The following NPIPA1 variants were observed in gnomAD, a reference collection of about 807,000 sequenced individuals.
NPIPA1 encodes the protein nuclear pore complex-interacting protein family member A1.
For synonymous variants in NPIPA1, 7 were observed against 88.0 expected (o/e 0.08, Z 5.15); for missense variants, 22 against 232.2 (o/e 0.09, Z 5.88).
At chr16:14,945,224 TGTG>T (rs1965854061) in intron 2 of NPIPA1, among the ~76,000 whole-genome samples, 1 of 102,310 alleles carries the variant, frequency 9.8e-6, no homozygotes, top group Non-Finnish European at 2.0e-5. Context: ...GTCATTCTTG[TGTG>T]GTGTGTGTGT....
chr16:14,940,380 T>C (rs1965720525), intron 1 of NPIPA1, among the ~76,000 whole-genome samples: 1 of 152,144 alleles, frequency 6.6e-6, no homozygotes, highest in South Asian at 2.1e-4. Context: ...GCATCCAATG[T>C]TATACATCAA....
At chr16:14,947,012 A>G (rs1965905439) in intron 4 of NPIPA1, among the ~76,000 whole-genome samples, 2 of 151,930 alleles carry the variant, frequency 1.3e-5, no homozygotes, top group South Asian at 4.2e-4. Context: ...TATTTTTAGT[A>G]GAGACGGGTT....
Position 14,944,993 on chromosome 16 carries a change from C to T in NPIPA1, c.193-581C>T, listed in dbSNP as rs1965847783. On this transcript the variant is annotated intron_variant, in intron 2 of 7. Coordinates refer to ENST00000328085, the MANE Select transcript of NPIPA1 (RefSeq NM_006985.4). Reference sequence around the variant, plus strand: ...ATGGCACAATCTCAGCTCAACACAACCTTTTCCTGCTGGGTTCAAGTGATT... The same window carrying T: ...ATGGCACAATCTCAGCTCAACACAATCTTTTCCTGCTGGGTTCAAGTGATT... Among the ~76,000 whole-genome samples, 10 of 148,600 alleles carry T rather than the reference C, an allele frequency of 6.7e-5. No individual in the cohort carries two copies. In the South Asian group the frequency reaches 2.2e-3, roughly 32 times the overall value.
intron 1 of NPIPA1, among the ~76,000 whole-genome samples, chr16:14,940,369 T>A (rs1597170863): frequency 6.6e-6 from 1 of 152,018 alleles, no homozygotes; most frequent in Admixed American, 6.6e-5. Context: ...ATATAATAAA[T>A]GCATCCAATG....
At chr16:14,945,227 G>GTTTTGT (rs748459839) in intron 2 of NPIPA1, among the ~76,000 whole-genome samples, 2 of 137,748 alleles carry the variant, frequency 1.5e-5, no homozygotes, top group African/African-American at 2.8e-5. Flanking sequence ...ATTCTTGTGT[G>GTTTTGT]GTGTGTGTGT....
At chr16:14,944,855 C>T (rs1258264508) in intron 2 of NPIPA1, among the ~76,000 whole-genome samples, 15 of 151,472 alleles carry the variant, frequency 9.9e-5, no homozygotes, top group African/African-American at 2.2e-4. Flanking sequence ...TCACCCGCCT[C>T]GGCCTCCCAA....
intron 2 of NPIPA1, among the ~76,000 whole-genome samples, chr16:14,945,158 G>T (rs1965852021): frequency 6.6e-6 from 1 of 150,744 alleles, no homozygotes; most frequent in African/African-American, 2.4e-5. Context: ...TGATCCGCCT[G>T]CCTCGGCCTC....
intron 4 of NPIPA1, among the ~76,000 whole-genome samples, chr16:14,946,688 ATTTTTTTTT>A (rs57059259): frequency 2.2e-5 from 2 of 89,978 alleles, no homozygotes; most frequent in African/African-American, 4.5e-5. Context: ...CATTCGGCCA[ATTTTTTTTT>A]TTTTTTTTTT....
In NPIPA1 at chr16:14,951,884, T is replaced by C. The variant is rs768500200; in HGVS notation, c.912T>C (p.Asn304=). 6.3e-7 allele frequency: 1 copy of C among 1,580,682 alleles called. No individual in the cohort carries two copies. Among genetic ancestry groups the C allele is most frequent in the Admixed American group, 1.7e-5 (1 of 58,680 alleles). ...LYPLPPSADD[N]LKTPPECLLT... is the part of the protein sequence containing the mutation. ...CCCTTCCACCCTCAGCGGATGATAA[T>C]CTCAAGACACCTCCCGAGTGTCTGC... is the stretch of plus-strand genomic sequence containing the variant. The change falls in exon 8 of 8, where the codon AAT becomes AAC. Residue 304 remains asparagine, a synonymous_variant. Transcript: ENST00000328085.
intron 4 of NPIPA1, among the ~76,000 whole-genome samples, chr16:14,946,229 C>CTTT (rs1166253398): frequency 3.3e-5 from 3 of 89,886 alleles, no homozygotes; most frequent in African/African-American, 9.6e-5. Flanking sequence ...TTCTCTCTCT[C>CTTT]TTTTTTTTTT....
intron 4 of NPIPA1, among the ~76,000 whole-genome samples, chr16:14,948,169 C>A (rs1453534052): frequency 6.6e-6 from 1 of 151,852 alleles, no homozygotes; most frequent in South Asian, 2.1e-4. Context: ...CTTTTGAGGC[C>A]GTTTCCTTTT....
At chr16:14,938,572 C>T (rs1396899617) in intron 1 of NPIPA1, among the ~76,000 whole-genome samples, 4 of 134,210 alleles carry the variant, frequency 3.0e-5, no homozygotes, top group African/African-American at 8.5e-5. Context: ...CCTGGTGGTG[C>T]GTACCTGTTA....
At chr16:14,947,769 C>T (rs1202046345) in intron 4 of NPIPA1, among the ~76,000 whole-genome samples, 1 of 152,242 alleles carries the variant, frequency 6.6e-6, no homozygotes, top group Non-Finnish European at 1.5e-5. Flanking sequence ...TATGTCAACT[C>T]AAGAGTAGAA....
chr16:14,944,020 G>A (rs1269712315), intron 2 of NPIPA1, among the ~76,000 whole-genome samples: 1 of 152,162 alleles, frequency 6.6e-6, no homozygotes, highest in South Asian at 2.1e-4. Flanking sequence ...ATGGTAGCAG[G>A]CACCTGTAAT....
At chr16:14,940,833 A>T (rs1965733292) in intron 1 of NPIPA1, among the ~76,000 whole-genome samples, 1 of 119,068 alleles carries the variant, frequency 8.4e-6, no homozygotes, top group African/African-American at 3.2e-5. Context: ...TTCTTAAAAC[A>T]TTAGGAGATT....
intron 2 of NPIPA1, among the ~76,000 whole-genome samples, chr16:14,943,513 G>A (rs1209762834): frequency 6.7e-6 from 1 of 149,086 alleles, no homozygotes; most frequent in African/African-American, 2.5e-5. Context: ...GTTCAGTTGA[G>A]CTGTTGGACT....
intron 2 of NPIPA1, among the ~76,000 whole-genome samples, chr16:14,944,599 T>G (rs1413008951): frequency 6.6e-6 from 1 of 150,834 alleles, no homozygotes; most frequent in Non-Finnish European, 1.5e-5. Flanking sequence ...TGAAGTATAT[T>G]CATGTCATTT....
chr16:14,946,569 G>A (rs1345390153), intron 4 of NPIPA1, among the ~76,000 whole-genome samples: 6 of 146,894 alleles, frequency 4.1e-5, no homozygotes, highest in African/African-American at 1.2e-4. Context: ...CTGTCGCCCA[G>A]GCTGGAGTGC....
intron 1 of NPIPA1, among the ~76,000 whole-genome samples, chr16:14,938,740 G>A (rs1405402075): frequency 6.6e-6 from 1 of 151,890 alleles, no homozygotes; most frequent in African/African-American, 2.4e-5. Context: ...CTGGTTTGAT[G>A]ACTTTTTTTT....
Sources: allele counts gnomAD v4.1 joint callset (sites outside exome capture counted in the v4.1 genomes callset), GRCh38; gene constraint gnomAD v4.1.1; transcripts MANE v1.5; gene names NCBI Gene and HGNC (gene_info 2026-07-23, HGNC 2026-07-21).